CHD6: variants seen among roughly 807,000 people sequenced by gnomAD.
The protein encoded by CHD6 is chromodomain helicase DNA binding protein 6.
CHD6 carries 50 observed loss-of-function variants against 276.9 expected under a neutral mutation model. That is an observed-to-expected ratio of 0.18 (90% CI 0.14 to 0.23). The LOEUF (loss-of-function observed/expected upper bound fraction) is 0.23, where lower values mean the gene tolerates loss of function less well. CHD6 is among the 10% of genes least tolerant of loss of function. The pLI is 1.00. For missense variants in CHD6, 2,564 were observed against 3,365.8 expected (o/e 0.76, Z 5.89); for synonymous variants, 1,173 against 1,229.3 (o/e 0.95, Z 0.96).
Position 41,403,955 on chromosome 20 carries a change from G to C in CHD6, c.*638C>G. The C allele has an allele frequency of 6.6e-6, 7 of 1,053,936 alleles. No homozygotes were observed. The highest frequency in any genetic ancestry group is 8.0e-6 in the Non-Finnish European group (7 of 872,188). 65.3% of individuals were successfully genotyped at this position (1,053,936 alleles called of 1,614,324 possible). A position where few individuals can be genotyped will look rare whatever the true frequency, so the allele number is the denominator to read the frequency against. On this transcript the variant is annotated 3_prime_UTR_variant, in exon 37 of 37. Transcript: ENST00000373233. ...TAGTCAGTCAGTATTTCTTCTTGCT[G>C]CAGGTGTCTGAAAAACCACCAAGGG...
intron 34 of CHD6, 95 bp from the exon 35 acceptor site, chr20:41,413,610 A>G: frequency 1.9e-6 from 2 of 1,036,304 alleles, no homozygotes; most frequent in Non-Finnish European, 2.7e-6. Flanking sequence ...GAATCACTCC[A>G]CCTATTTCCA....
intron 36 of CHD6, 108 bp from the exon 37 acceptor site, chr20:41,405,597 G>A (rs2046652437): frequency 2.4e-6 from 2 of 825,768 alleles, no homozygotes; most frequent in East Asian, 2.6e-5. Flanking sequence ...CCAGCTGCAC[G>A]AAGGGTTCCC....
At chr20:41,595,841 G>A (rs1406628681) in intron 1 of CHD6, among the ~76,000 whole-genome samples, 1 of 151,298 alleles carries the variant, frequency 6.6e-6, no homozygotes, top group Non-Finnish European at 1.5e-5. Context: ...GATTGGATTT[G>A]TCAACTTCTA....
chr20:41,571,046 C>T (rs1379231873), intron 1 of CHD6, among the ~76,000 whole-genome samples: 1 of 152,008 alleles, frequency 6.6e-6, no homozygotes, highest in Non-Finnish European at 1.5e-5. Flanking sequence ...ACCACCAGTT[C>T]CCAAACAAGT....
chr20:41,477,154 T>C (rs12106278), intron 16 of CHD6, among the ~76,000 whole-genome samples: 5,867 of 152,186 alleles, frequency 0.039, 132 homozygotes, highest in Middle Eastern at 0.071. Context: ...GGTGGGAGGA[T>C]TGCTTGGGCC....
chr20:41,498,809 G>GTA (rs142381789), intron 6 of CHD6, among the ~76,000 whole-genome samples: 1 of 58,884 alleles, frequency 1.7e-5, no homozygotes, highest in Non-Finnish European at 2.9e-5. Flanking sequence ...ATGTATGTAT[G>GTA]TATGTGTGTG....
intron 1 of CHD6, among the ~76,000 whole-genome samples, chr20:41,617,419 T>G (rs1375069867): frequency 6.6e-6 from 1 of 151,904 alleles, no homozygotes; most frequent in Non-Finnish European, 1.5e-5. Context: ...TTTAATTGTA[T>G]CAAATAAAAC....
intron 29 of CHD6, among the ~76,000 whole-genome samples, chr20:41,424,851 A>T (rs374873250): frequency 6.6e-6 from 1 of 152,354 alleles, no homozygotes; most frequent in East Asian, 1.9e-4. Flanking sequence ...TGTTACTAAA[A>T]TAATTAGGGG....
At chr20:41,491,650 A>G (rs748295018) in intron 11 of CHD6, 48 bp downstream of exon 11, 6 of 1,611,926 alleles carry the variant, frequency 3.7e-6, no homozygotes, top group Non-Finnish European at 5.1e-6. Context: ...GGCTAAGGCA[A>G]TAATATACCT....
intron 16 of CHD6, chr20:41,482,613 A>G: frequency 2.1e-6 from 1 of 470,328 alleles, no homozygotes; most frequent in Non-Finnish European, 4.2e-6. Context: ...TTAAGAATGA[A>G]TTTTTAAAAA....
At chr20:41,573,055 G>A (rs1325655592) in intron 1 of CHD6, among the ~76,000 whole-genome samples, 2 of 151,900 alleles carry the variant, frequency 1.3e-5, no homozygotes, top group African/African-American at 4.8e-5. Context: ...GACTACAGTC[G>A]CCCGCCACCA....
At chr20:41,605,943 G>T (rs2045822938) in intron 1 of CHD6, among the ~76,000 whole-genome samples, 1 of 152,130 alleles carries the variant, frequency 6.6e-6, no homozygotes, top group Non-Finnish European at 1.5e-5. Flanking sequence ...ACCTCTATGA[G>T]GAATTCAAGG....
chr20:41,527,530 T>C (rs1468500244), intron 3 of CHD6, among the ~76,000 whole-genome samples: 1 of 152,176 alleles, frequency 6.6e-6, no homozygotes, highest in Non-Finnish European at 1.5e-5. Context: ...ACTCACTCCC[T>C]GGATATAGAG....
At chr20:41,470,010 T>A (rs2043017328) in intron 17 of CHD6, among the ~76,000 whole-genome samples, 1 of 152,184 alleles carries the variant, frequency 6.6e-6, no homozygotes, top group Non-Finnish European at 1.5e-5. Flanking sequence ...GCCTCCACAC[T>A]CTCTCTGGAG....
rs537391123 is a variant in CHD6, at chr20:41,433,913, AT to A, written c.4068+3360del. Among the ~76,000 whole-genome samples the A allele has an allele frequency of 2.8e-3, 429 of 152,320 alleles. 3 individuals carry two copies. The highest frequency in any genetic ancestry group is 4.5e-3 in the Non-Finnish European group (304 of 68,018). ...ACGGTGATACATTACATATAAATAT[AT>A]GAAACACCTAGAAGCATTAAAAAGC... On this transcript the variant is annotated intron_variant, in intron 27 of 36. Coordinates refer to ENST00000373233, the MANE Select transcript of CHD6 (RefSeq NM_032221.5).
rs776712186 is a variant in CHD6 at position 41,412,160 on chromosome 20, T to C, written c.7235A>G (p.Lys2412Arg). The C allele has an allele frequency of 3.7e-6, 6 of 1,614,078 alleles. No homozygotes were observed. In the East Asian group the frequency reaches 6.7e-5, roughly 18 times the overall value. ...CTTCCTTACCCTCAGTCCTGGCTCC[T>C]TGGGGATGGCAGGAACTCTCTCTTC... ...SGEERVPAIP[K>R]EPGLRGFLPE... The change falls in exon 36 of 37, where the codon AAG (lysine) becomes AGG (arginine). Residue 2412 changes from lysine to arginine, a missense_variant. Transcript: ENST00000373233.
intron 1 of CHD6, among the ~76,000 whole-genome samples, chr20:41,558,741 G>C (rs771416092): frequency 6.6e-6 from 1 of 151,966 alleles, no homozygotes; most frequent in African/African-American, 2.4e-5. Flanking sequence ...TCAGTCTCTT[G>C]ATTACCTCCC....
intron 2 of CHD6, among the ~76,000 whole-genome samples, chr20:41,546,087 T>C (rs1229343772): frequency 6.6e-6 from 1 of 152,188 alleles, no homozygotes; most frequent in Non-Finnish European, 1.5e-5. Context: ...TAGTTACTAC[T>C]GAACCTGACC....
At chr20:41,524,485 G>C (rs1028922159) in intron 3 of CHD6, among the ~76,000 whole-genome samples, 3 of 152,148 alleles carry the variant, frequency 2.0e-5, no homozygotes, top group Non-Finnish European at 4.4e-5. Context: ...TGAAAAAGCA[G>C]AGTTTTACCA....
Sources: gnomAD v4.1 joint callset for allele counts (sites outside exome capture counted in the v4.1 genomes callset) on GRCh38, gnomAD v4.1.1 for gene constraint, MANE v1.5 for transcripts, NCBI Gene and HGNC (gene_info 2026-07-23, HGNC 2026-07-21) for gene names.